Variants in LRRC37A2 observed in about 807,000 individuals in gnomAD.
The protein encoded by LRRC37A2 is leucine rich repeat containing 37 member A2.
In LRRC37A2, 9 loss-of-function variants were observed where a neutral mutation model predicts 68.8. The observed-to-expected ratio is 0.13, with a 90% CI of 0.08 to 0.23. The LOEUF (loss-of-function observed/expected upper bound fraction) is 0.23. Ranked by LOEUF, LRRC37A2 falls within the 10% of genes least tolerant of loss-of-function variation. LRRC37A2 has a pLI of 1.00. For synonymous variants in LRRC37A2, 63 were observed against 367.6 expected, an observed-to-expected ratio of 0.17 and a Z score of 9.48; for missense variants, 168 against 950.4, an observed-to-expected ratio of 0.18 and a Z score of 10.82.
At chr17:46,625,820 A>G in the LRRC37A2 span, among the ~76,000 whole-genome samples, 1 of 109,724 alleles carries the variant, frequency 9.1e-6, no homozygotes, top group Non-Finnish European at 1.7e-5. Flanking sequence ...GAAGCAGGAG[A>G]ATCTCTTGAG....
chr17:46,975,461 T>C, the LRRC37A2 span: 1 of 152,440 alleles, frequency 6.6e-6, no homozygotes, highest in African/African-American at 2.4e-5. Flanking sequence ...CTGTTCCTCA[T>C]TCACTCTTAC....
chr17:46,798,895 A>G, the LRRC37A2 span, among the ~76,000 whole-genome samples: 1 of 151,972 alleles, frequency 6.6e-6, no homozygotes, highest in African/African-American at 2.4e-5. Flanking sequence ...TAAAAATACA[A>G]AAATTGGCCA....
the LRRC37A2 span, chr17:46,978,650 A>G: frequency 6.2e-7 from 1 of 1,603,132 alleles, no homozygotes; most frequent in East Asian, 2.3e-5. Flanking sequence ...GGCGCTCAGT[A>G]CAGCCCCAGG....
the LRRC37A2 span, among the ~76,000 whole-genome samples, chr17:46,838,927 G>T: frequency 1.2e-4 from 18 of 152,240 alleles, no homozygotes; most frequent in Admixed American, 6.5e-4. Flanking sequence ...GCCCAGGCTG[G>T]AGTGAAGTGG....
chr17:46,878,450 T>C, the LRRC37A2 span, among the ~76,000 whole-genome samples: 1,030 of 152,306 alleles, frequency 6.8e-3, 12 homozygotes, highest in African/African-American at 0.023. Flanking sequence ...GAAGGATTTT[T>C]GACTGCAGAG....
the LRRC37A2 span, among the ~76,000 whole-genome samples, chr17:46,842,027 C>T: frequency 3.9e-5 from 6 of 152,132 alleles, no homozygotes; most frequent in African/African-American, 1.4e-4. Context: ...GTGGCGCCCT[C>T]GGCGGGGCCT....
At chr17:46,755,018 C>T in the LRRC37A2 span, among the ~76,000 whole-genome samples, 23 of 152,372 alleles carry the variant, frequency 1.5e-4, no homozygotes, top group South Asian at 3.7e-3. Flanking sequence ...AGTCTCACAG[C>T]GATGCCTCAC....
chr17:46,747,477 G>A, the LRRC37A2 span, among the ~76,000 whole-genome samples: 2 of 151,922 alleles, frequency 1.3e-5, no homozygotes, highest in South Asian at 2.1e-4. Context: ...ATGAGGTTTC[G>A]CCATGTTACC....
At chr17:46,898,189 A>T in the LRRC37A2 span, among the ~76,000 whole-genome samples, 3 of 152,230 alleles carry the variant, frequency 2.0e-5, no homozygotes, top group Middle Eastern at 3.4e-3. Context: ...CACTACCGTG[A>T]CCTTGCTGAG....
the LRRC37A2 span, among the ~76,000 whole-genome samples, chr17:46,490,195 G>C: frequency 6.6e-6 from 1 of 151,212 alleles, no homozygotes; most frequent in East Asian, 1.9e-4. Context: ...ACCTGGCTAT[G>C]TCACAGCTGC....
At chr17:46,970,555 A>AC in the LRRC37A2 span, among the ~76,000 whole-genome samples, 2 of 151,344 alleles carry the variant, frequency 1.3e-5, no homozygotes, top group African/African-American at 4.9e-5. Flanking sequence ...AAAAAAAAAA[A>AC]AAAAACTCAA....
the LRRC37A2 span, among the ~76,000 whole-genome samples, chr17:46,800,198 C>T: frequency 6.6e-5 from 10 of 152,266 alleles, no homozygotes; most frequent in African/African-American, 2.4e-4. Flanking sequence ...GCAGCCTCCA[C>T]CTCCCAGGTT....
chr17:46,913,087 T>C, the LRRC37A2 span, among the ~76,000 whole-genome samples: 2 of 152,208 alleles, frequency 1.3e-5, no homozygotes, highest in African/African-American at 2.4e-5. Flanking sequence ...GGGGAGGCAC[T>C]GTATTTGGCA....
the LRRC37A2 span, among the ~76,000 whole-genome samples, chr17:47,040,037 T>C: frequency 6.6e-6 from 1 of 151,956 alleles, no homozygotes; most frequent in Non-Finnish European, 1.5e-5. Flanking sequence ...ATCTCTTTAT[T>C]GATATTCTCT....
chr17:46,753,955 A>G, the LRRC37A2 span, among the ~76,000 whole-genome samples: 5 of 152,222 alleles, frequency 3.3e-5, no homozygotes, highest in Non-Finnish European at 7.3e-5. Flanking sequence ...ACTTGCACAG[A>G]GCTGAGGATC....
the LRRC37A2 span, among the ~76,000 whole-genome samples, chr17:46,782,573 C>A: frequency 6.6e-6 from 1 of 152,260 alleles, no homozygotes; most frequent in South Asian, 2.1e-4. Context: ...CAGGCCTCTA[C>A]CTTTCCACTT....
chr17:46,858,178 C>T, the LRRC37A2 span, among the ~76,000 whole-genome samples: 1 of 152,222 alleles, frequency 6.6e-6, no homozygotes, highest in Non-Finnish European at 1.5e-5. Context: ...GATCCACCCA[C>T]CTCGGCCTCC....
the LRRC37A2 span, chr17:46,935,177 C>G: frequency 6.2e-7 from 1 of 1,613,766 alleles, no homozygotes; most frequent in Non-Finnish European, 8.5e-7. Context: ...AAGGTGGGGT[C>G]CCTGCTGGGG....
chr17:46,914,565 C>A, the LRRC37A2 span, among the ~76,000 whole-genome samples: 1 of 139,936 alleles, frequency 7.1e-6, no homozygotes, highest in Admixed American at 7.8e-5. Context: ...GCAGGAAAAT[C>A]TCTTGAACCC....
Sources: allele counts gnomAD v4.1 joint callset (sites outside exome capture counted in the v4.1 genomes callset), GRCh38; gene constraint gnomAD v4.1.1; transcripts MANE v1.5; gene names NCBI Gene and HGNC (gene_info 2026-07-23, HGNC 2026-07-21).